Variants in EXOC1 observed in about 807,000 individuals in gnomAD.
The protein encoded by EXOC1 is exocyst complex component 1.
In EXOC1, 67 loss-of-function variants were observed where a neutral mutation model predicts 107.7. The observed-to-expected ratio is 0.62, with a 90% confidence interval of 0.51 to 0.76. EXOC1 has a LOEUF of 0.76. Among genes scored for constraint, EXOC1 ranks in the 30% least tolerant of loss-of-function variants. The pLI is 0.00. For synonymous variants in EXOC1, 348 were observed against 353.5 expected (o/e 0.98, Z 0.17); for missense variants, 833 against 1,055.7 (o/e 0.79, Z 2.92).
chr4:55,882,233 T>C (rs769956400), intron 9 of EXOC1, among the ~76,000 whole-genome samples: 1 of 151,924 alleles, frequency 6.6e-6, no homozygotes, highest in Non-Finnish European at 1.5e-5. Flanking sequence ...CTCAACTTCC[T>C]GGGCTCAAGC....
chr4:55,856,407 G>T (rs1720974605), intron 1 of EXOC1, among the ~76,000 whole-genome samples: 1 of 152,198 alleles, frequency 6.6e-6, no homozygotes, highest in Non-Finnish European at 1.5e-5. Flanking sequence ...AATGTCAGAA[G>T]ACTAGAGGCT....
intron 12 of EXOC1, 37 bp from the exon 13 acceptor site, chr4:55,891,278 A>C (rs1323676141): frequency 4.7e-6 from 6 of 1,270,622 alleles, no homozygotes; most frequent in Non-Finnish European, 6.9e-6. Flanking sequence ...CATTTGGTGC[A>C]GTTCTTTCGT....
chr4:55,854,494 C>T (rs979347595), intron 1 of EXOC1, among the ~76,000 whole-genome samples: 12 of 152,090 alleles, frequency 7.9e-5, no homozygotes, highest in Non-Finnish European at 1.2e-4. Flanking sequence ...CAGAAAAGTA[C>T]CGTAAAGACT....
chr4:55,891,042 A>T (rs1223272825), intron 12 of EXOC1, among the ~76,000 whole-genome samples: 2 of 152,164 alleles, frequency 1.3e-5, no homozygotes, highest in African/African-American at 4.8e-5. Context: ...ATAAGTTTTA[A>T]AAGTTGATCT....
chr4:55,895,753 A>G (rs1725129131), intron 15 of EXOC1, among the ~76,000 whole-genome samples: 1 of 152,212 alleles, frequency 6.6e-6, no homozygotes, highest in South Asian at 2.1e-4. Flanking sequence ...TGTCTGCATG[A>G]AACATTTCTT....
chr4:55,899,356 A>G (rs984238769), intron 16 of EXOC1, among the ~76,000 whole-genome samples: 3 of 152,060 alleles, frequency 2.0e-5, no homozygotes, highest in African/African-American at 7.2e-5. Context: ...TTTGACTGCA[A>G]GATGTAAAGT....
intron 8 of EXOC1, 83 bp from the exon 9 acceptor site, chr4:55,877,834 A>G: frequency 6.4e-7 from 1 of 1,558,446 alleles, no homozygotes; most frequent in Non-Finnish European, 8.7e-7. Flanking sequence ...GCTTGGCCAC[A>G]TTTTGGTCAT....
At chr4:55,888,958 G>A (rs370363316) in intron 11 of EXOC1, 26 bp downstream of exon 11, 7 of 1,609,740 alleles carry the variant, frequency 4.3e-6, no homozygotes, top group African/African-American at 2.7e-5. Context: ...GTATTAGTAG[G>A]TATTCTCAAT....
chr4:55,860,757 TATA>T (rs1230738635), intron 3 of EXOC1, among the ~76,000 whole-genome samples: 1 of 152,078 alleles, frequency 6.6e-6, no homozygotes, highest in African/African-American at 2.4e-5. Flanking sequence ...TTAGATTAAG[TATA>T]ATTTGTATAA....
At chr4:55,871,022 A>G (rs1382101787) in intron 6 of EXOC1, 79 bp from the exon 7 acceptor site, 3 of 1,565,302 alleles carry the variant, frequency 1.9e-6, no homozygotes, top group Admixed American at 1.9e-5. Flanking sequence ...CCAAAGACCT[A>G]ATGATAGGAC....
chr4:55,898,263 A>G (rs1725475608), intron 16 of EXOC1, among the ~76,000 whole-genome samples: 1 of 152,216 alleles, frequency 6.6e-6, no homozygotes, highest in South Asian at 2.1e-4. Context: ...TCTTAAAAAT[A>G]AATAATAAAT....
intron 3 of EXOC1, among the ~76,000 whole-genome samples, chr4:55,863,703 C>T (rs1007500726): frequency 2.0e-5 from 3 of 152,130 alleles, no homozygotes; most frequent in East Asian, 3.8e-4. Context: ...AATAATTAGG[C>T]GCAATCTCTG....
intron 12 of EXOC1, 111 bp downstream of exon 12, chr4:55,890,497 A>C (rs1724390496): frequency 4.2e-6 from 3 of 713,778 alleles, no homozygotes; most frequent in Non-Finnish European, 4.4e-6. Context: ...TCTCTTAAGC[A>C]TTAACCATGT....
chr4:55,889,440 A>G (rs1465983219), intron 11 of EXOC1, among the ~76,000 whole-genome samples: 1 of 152,186 alleles, frequency 6.6e-6, no homozygotes, highest in African/African-American at 2.4e-5. Context: ...TCCTTGGTGT[A>G]TGTGAGCTAT....
intron 3 of EXOC1, among the ~76,000 whole-genome samples, chr4:55,862,327 T>C (rs188693779): frequency 2.6e-5 from 4 of 152,286 alleles, no homozygotes; most frequent in Admixed American, 2.6e-4. Flanking sequence ...TTTTTTTTTT[T>C]TGCATTTTAT....
intron 9 of EXOC1, among the ~76,000 whole-genome samples, chr4:55,880,143 A>G (rs1723260074): frequency 6.6e-6 from 1 of 152,142 alleles, no homozygotes; most frequent in Non-Finnish European, 1.5e-5. Flanking sequence ...ATTTGACAGT[A>G]GGACATTTTT....
intron 5 of EXOC1, 130 bp downstream of exon 5, chr4:55,868,653 T>A (rs1722165059): frequency 3.0e-6 from 2 of 669,242 alleles, no homozygotes; most frequent in South Asian, 6.6e-5. Flanking sequence ...TATAAGCACA[T>A]TACCAGCTGC....
chr4:55,863,373 C>T (rs1167600694), intron 3 of EXOC1, among the ~76,000 whole-genome samples: 1 of 152,138 alleles, frequency 6.6e-6, no homozygotes, highest in African/African-American at 2.4e-5. Flanking sequence ...GAACAGGGCT[C>T]ATGCCTGTAA....
At chr4:55,876,970 A>AC (rs1477228330) in intron 8 of EXOC1, 57 of 985,264 alleles carry the variant, frequency 5.8e-5, no homozygotes, top group Non-Finnish European at 6.7e-5. Flanking sequence ...TTTCTCAGTT[A>AC]CCAAGGAACT....
Sources: gnomAD v4.1 joint callset for allele counts (sites outside exome capture counted in the v4.1 genomes callset) on GRCh38, gnomAD v4.1.1 for gene constraint, MANE v1.5 for transcripts, NCBI Gene and HGNC (gene_info 2026-07-23, HGNC 2026-07-21) for gene names.